Variants in TRAPPC9 observed in about 807,000 individuals in gnomAD.
TRAPPC9 encodes the protein IKK2 binding protein.
In TRAPPC9, 83 loss-of-function variants were observed where a neutral mutation model predicts 124.0. That is an observed-to-expected ratio of 0.67 (90% CI 0.56 to 0.80). TRAPPC9 has a LOEUF of 0.80. Ranked by LOEUF, TRAPPC9 falls within the 30% of genes least tolerant of loss-of-function variation. TRAPPC9 has a pLI of 0.00. For synonymous variants in TRAPPC9, 638 were observed against 617.5 expected, an observed-to-expected ratio of 1.03 and a Z score of -0.49; for missense variants, 1,302 against 1,508.3, an observed-to-expected ratio of 0.86 and a Z score of 2.27.
At chr8:140,137,128 G>A (rs75791146) in intron 17 of TRAPPC9, among the ~76,000 whole-genome samples, 78 of 152,218 alleles carry the variant, frequency 5.1e-4, no homozygotes, top group Middle Eastern at 3.4e-3. Flanking sequence ...CACAGGGCTC[G>A]GGCAATGCAC....
In TRAPPC9 at chr8:139,732,189, G is replaced by A. The variant is rs144383785; in HGVS notation, c.3069C>T (p.Asp1023=). The A allele has an allele frequency of 3.6e-4, 568 of 1,591,678 alleles. No individual in the cohort carries two copies. In the African/African-American group the frequency reaches 5.6e-3, roughly 16 times the overall value. The change falls in exon 22 of 23, where the codon GAC becomes GAT. Residue 1023 remains aspartate (D), a synonymous_variant. Transcript: ENST00000438773. Reference sequence around the variant, plus strand: ...CAGCCTCGCGGTCACATGGCTGTCCGTCCACCAGCACATCTGTAAGGGACA... The same window carrying A: ...CAGCCTCGCGGTCACATGGCTGTCCATCCACCAGCACATCTGTAAGGGACA... The part of the protein sequence containing the change: ...LAPLQWDVLV[D]GQPCDREAVA...
chr8:139,844,123 G>A (rs897538790), intron 21 of TRAPPC9, among the ~76,000 whole-genome samples: 1 of 152,176 alleles, frequency 6.6e-6, no homozygotes, highest in Admixed American at 6.5e-5. Context: ...ATGCTCACCC[G>A]CCAGAGTCAT....
intron 19 of TRAPPC9, among the ~76,000 whole-genome samples, chr8:139,936,638 G>A (rs72497393): frequency 0.2 from 29,816 of 152,152 alleles, 2,960 homozygotes; most frequent in South Asian, 0.25. Flanking sequence ...GGCACTGAGT[G>A]TGGTGATAAA....
At chr8:140,204,914 T>C (rs1224767554) in intron 17 of TRAPPC9, among the ~76,000 whole-genome samples, 6 of 152,264 alleles carry the variant, frequency 3.9e-5, no homozygotes, top group African/African-American at 1.4e-4. Context: ...GGAAATCTTA[T>C]CAGACAATTC....
Position 139,837,405 on chromosome 8 carries a change from T to C in TRAPPC9, c.3055+48474A>G, listed in dbSNP as rs1051489697. On this transcript the variant is annotated intron_variant, in intron 21 of 22. Transcript: ENST00000438773. Reference sequence around the variant, plus strand: ...CTTCAAAAAGGCCCCTGTCCTCCCATAGCCATCTGTCCAAGGCAAAGCTAG... The same window carrying C: ...CTTCAAAAAGGCCCCTGTCCTCCCACAGCCATCTGTCCAAGGCAAAGCTAG... 2.0e-5 allele frequency among the ~76,000 whole-genome samples: 3 copies of C among 152,086 alleles called. No homozygotes were observed. In the East Asian group the frequency reaches 5.8e-4, roughly 29 times the overall value.
Position 140,456,342 on chromosome 8 carries a change from G to A in TRAPPC9, c.-11+1297C>T, listed in dbSNP as rs567765701. Among the ~76,000 whole-genome samples, 9 of 152,014 alleles carry A rather than the reference G, an allele frequency of 5.9e-5. No individual in the cohort carries two copies. The East Asian group carries it at 1.4e-3, about 23-fold the overall frequency. On this transcript the variant is annotated intron_variant, in intron 1 of 22. Coordinates refer to ENST00000438773, the MANE Select transcript of TRAPPC9 (RefSeq NM_001160372.4). ...CAGGAGAATCGCTTGAACCCAGGAG[G>A]CGGAGGGTGCAGTGAGCCAAGATCG...
chr8:140,074,730 C>G (rs1452423776), intron 17 of TRAPPC9, among the ~76,000 whole-genome samples: 9 of 152,144 alleles, frequency 5.9e-5, no homozygotes, highest in Non-Finnish European at 1.0e-4. Flanking sequence ...GAGTCACAAT[C>G]TGATTGTGGG....
At chr8:139,798,911 G>A (rs1364322104) in intron 21 of TRAPPC9, among the ~76,000 whole-genome samples, 1 of 152,144 alleles carries the variant, frequency 6.6e-6, no homozygotes, top group African/African-American at 2.4e-5. Context: ...TTTTTCTGGC[G>A]GAGATTCTGT....
At chr8:140,013,203 C>T (rs1006236064) in intron 18 of TRAPPC9, among the ~76,000 whole-genome samples, 4 of 152,164 alleles carry the variant, frequency 2.6e-5, no homozygotes, top group African/African-American at 7.2e-5. Flanking sequence ...CCATCAAGCC[C>T]ATCACAGTCG....
At chr8:140,047,455 A>C (rs1467851250) in intron 17 of TRAPPC9, among the ~76,000 whole-genome samples, 1 of 152,232 alleles carries the variant, frequency 6.6e-6, no homozygotes, top group African/African-American at 2.4e-5. Context: ...CACAGGGTGA[A>C]AGGCGGGTCC....
At chr8:140,042,470 A>G (rs1304277045) in intron 17 of TRAPPC9, among the ~76,000 whole-genome samples, 1 of 152,206 alleles carries the variant, frequency 6.6e-6, no homozygotes, top group African/African-American at 2.4e-5. Flanking sequence ...TGCTTTTTAT[A>G]GAAGAGTCCT....
intron 21 of TRAPPC9, among the ~76,000 whole-genome samples, chr8:139,767,598 A>G (rs1179709382): frequency 6.6e-6 from 1 of 152,214 alleles, no homozygotes; most frequent in Non-Finnish European, 1.5e-5. Flanking sequence ...CAGATGAACC[A>G]AGGTGCAGAG....
chr8:140,458,235 G>A (rs1279808867), upstream of TRAPPC9: 2 of 1,550,934 alleles, frequency 1.3e-6, no homozygotes, highest in African/African-American at 2.7e-5. Flanking sequence ...TCTGCACCTG[G>A]GGCGGCGCAG....
intron 17 of TRAPPC9, among the ~76,000 whole-genome samples, chr8:140,120,559 CCATCCATCCAA>C (rs1287144643): frequency 1.3e-5 from 2 of 152,164 alleles, no homozygotes; most frequent in Admixed American, 6.5e-5. Flanking sequence ...CAACATCCAT[CCATCCATCCAA>C]CATCCATCCA....
chr8:140,308,781 TGAGGCAGAA>T lies in TRAPPC9; in HGVS notation c.1622+2458_1622+2466del, dbSNP rs1309969702. Among the ~76,000 whole-genome samples, 14 of 151,742 alleles carry T rather than the reference TGAGGCAGAA, an allele frequency of 9.2e-5. 1 individual carries two copies. The highest frequency in any genetic ancestry group is 8.5e-4 in the Admixed American group (13 of 15,228). On this transcript the variant is annotated intron_variant, in intron 10 of 22. Transcript: ENST00000438773. ...CTGTAGTCCCAGCTACTCAGGAGGC[TGAGGCAGAA>T]GAATCACTTGAACCCGGGAGGTGGA...
intron 20 of TRAPPC9, among the ~76,000 whole-genome samples, chr8:139,892,583 C>T (rs1830417815): frequency 6.6e-6 from 1 of 152,188 alleles, no homozygotes; most frequent in African/African-American, 2.4e-5. Context: ...TAACACGCAC[C>T]ACAGGTTTGG....
chr8:140,298,043 T>C (rs1205142006), intron 11 of TRAPPC9, among the ~76,000 whole-genome samples: 1 of 152,234 alleles, frequency 6.6e-6, no homozygotes, highest in East Asian at 1.9e-4. Context: ...CTAAGTTTGT[T>C]TCCTCATCTG....
intron 9 of TRAPPC9, among the ~76,000 whole-genome samples, chr8:140,331,102 G>A (rs949863975): frequency 6.6e-6 from 1 of 151,442 alleles, no homozygotes; most frequent in African/African-American, 2.4e-5. Context: ...AAACATCATG[G>A]TACTGGCATA....
intron 17 of TRAPPC9, among the ~76,000 whole-genome samples, chr8:140,080,100 T>C (rs1284925295): frequency 6.6e-6 from 1 of 152,170 alleles, no homozygotes; most frequent in East Asian, 1.9e-4. Context: ...AAGGCCAAGA[T>C]TCCCAAGAAG....
Sources: gnomAD v4.1 joint callset for allele counts (sites outside exome capture counted in the v4.1 genomes callset) on GRCh38, gnomAD v4.1.1 for gene constraint, MANE v1.5 for transcripts, NCBI Gene and HGNC (gene_info 2026-07-23, HGNC 2026-07-21) for gene names.